ICE2: variants seen among roughly 807,000 people sequenced by gnomAD.
ICE2 encodes the protein interactor of little elongation complex ELL subunit 2.
A neutral mutation model predicts 105.4 loss-of-function variants in ICE2; 87 were observed. That is an observed-to-expected ratio of 0.83 (90% CI 0.69 to 0.99). The LOEUF (loss-of-function observed/expected upper bound fraction) is 0.99, where lower values mean the gene tolerates loss of function less well. Among genes scored for constraint, ICE2 ranks in the 50% least tolerant of loss-of-function variants. The pLI is 0.00. For synonymous variants in ICE2, 399 were observed against 392.0 expected (o/e 1.02, Z -0.21); for missense variants, 1,323 against 1,146.7 (o/e 1.15, Z -2.22).
At chr15:60,463,002 G>A (rs915865199) in intron 5 of ICE2, among the ~76,000 whole-genome samples, 4 of 152,174 alleles carry the variant, frequency 2.6e-5, no homozygotes, top group African/African-American at 7.2e-5. Context: ...TTGTCACAAC[G>A]TACAGCATTC....
At chr15:60,441,730 A>C (rs1387875285) in intron 12 of ICE2, 1 of 152,232 alleles carries the variant, frequency 6.6e-6, no homozygotes, top group Non-Finnish European at 1.5e-5. Context: ...TACTACCAAT[A>C]ATGACTAGCA....
chr15:60,470,945 AACT>A (rs1213687292), intron 3 of ICE2, among the ~76,000 whole-genome samples: 1 of 152,184 alleles, frequency 6.6e-6, no homozygotes, highest in Non-Finnish European at 1.5e-5. Flanking sequence ...TACGGCTGAG[AACT>A]ACTAATTTAG....
intron 5 of ICE2, among the ~76,000 whole-genome samples, chr15:60,462,154 G>GTT (rs2064297284): frequency 1.3e-5 from 2 of 152,148 alleles, no homozygotes; most frequent in Admixed American, 6.5e-5. Context: ...AAACCAAATA[G>GTT]TAAGTAAGGG....
intron 13 of ICE2, among the ~76,000 whole-genome samples, chr15:60,432,346 C>G (rs1482485778): frequency 1.3e-5 from 2 of 151,704 alleles, no homozygotes; most frequent in Non-Finnish European, 1.5e-5. Flanking sequence ...CGCCACCACA[C>G]CAGGCTGATT....
intron 2 of ICE2, among the ~76,000 whole-genome samples, chr15:60,476,946 T>C (rs1401204858): frequency 6.6e-6 from 1 of 152,226 alleles, no homozygotes; most frequent in Admixed American, 6.5e-5. Flanking sequence ...GCATCTGTGC[T>C]ACATCTGAAT....
At chr15:60,432,674 C>T (rs1028834187) in intron 13 of ICE2, among the ~76,000 whole-genome samples, 4 of 151,850 alleles carry the variant, frequency 2.6e-5, no homozygotes, top group African/African-American at 9.7e-5. Flanking sequence ...GGGCAGATCA[C>T]AAGGTCAGGA....
intron 13 of ICE2, among the ~76,000 whole-genome samples, chr15:60,433,181 G>A (rs1024436106): frequency 6.6e-6 from 1 of 151,156 alleles, no homozygotes; most frequent in African/African-American, 2.4e-5. Context: ...TCTGCCTCCC[G>A]GGTTCACGCC....
intron 3 of ICE2, among the ~76,000 whole-genome samples, chr15:60,471,837 ATACTT>A (rs2064605378): frequency 6.6e-6 from 1 of 151,588 alleles, no homozygotes; most frequent in South Asian, 2.1e-4. Context: ...TAAGTTTCCT[ATACTT>A]TAAGTACTGG....
At chr15:60,474,530 G>A (rs951624090) in intron 3 of ICE2, among the ~76,000 whole-genome samples, 10 of 152,140 alleles carry the variant, frequency 6.6e-5, no homozygotes, top group African/African-American at 1.9e-4. Context: ...CCCAGCAAGT[G>A]TAGTAGGATG....
intron 2 of ICE2, among the ~76,000 whole-genome samples, 168 bp from the exon 3 acceptor site, chr15:60,476,335 G>A (rs568647448): frequency 6.6e-6 from 1 of 152,230 alleles, no homozygotes; most frequent in South Asian, 2.1e-4. Flanking sequence ...TGTGGGCTTA[G>A]AAGTGTTACT....
chr15:60,438,451 T>G (rs1248831780), intron 12 of ICE2: 1 of 152,178 alleles, frequency 6.6e-6, no homozygotes, highest in African/African-American at 2.4e-5. Flanking sequence ...CCAAATTCAT[T>G]TGTACCCATA....
At chr15:60,478,122 T>C in intron 1 of ICE2, 53 bp from the exon 2 acceptor site, 1 of 703,444 alleles carries the variant, frequency 1.4e-6, no homozygotes. Flanking sequence ...CTAGGCCAGG[T>C]GCTATTAGGT....
chr15:60,453,297 T>C (rs2064009761), intron 9 of ICE2: 1 of 1,091,100 alleles, frequency 9.2e-7, no homozygotes, highest in Non-Finnish European at 1.1e-6. Flanking sequence ...ACCACCACCA[T>C]CAAGGAGTTT....
intron 13 of ICE2, among the ~76,000 whole-genome samples, chr15:60,433,091 T>G (rs557993711): frequency 6.6e-6 from 1 of 151,068 alleles, no homozygotes; most frequent in East Asian, 2.0e-4. Flanking sequence ...ACACAGGTTT[T>G]TTTTTTTTTT....
At position 60,419,788 on chromosome 15, in the gene ICE2, A is replaced by C. The variant is rs2063224301; in HGVS notation, c.*3846T>G. ...GAAAACGTCTTAACATCTTTACAAC[A>C]TGCCCATTAGGAACTACAGATGCAG... On this transcript the variant is annotated 3_prime_UTR_variant, in exon 16 of 16. Coordinates refer to ENST00000261520, the MANE Select transcript of ICE2 (RefSeq NM_024611.6). 1 of 152,252 alleles carries C rather than the reference A, an allele frequency of 6.6e-6. No individual in the cohort carries two copies. The highest frequency in any genetic ancestry group is 2.4e-5 in the African/African-American group (1 of 41,472). 9.4% of individuals were successfully genotyped at this position (152,252 alleles called of 1,614,324 possible).
intron 5 of ICE2, among the ~76,000 whole-genome samples, chr15:60,462,658 T>C (rs1444546750): frequency 1.3e-5 from 2 of 152,040 alleles, no homozygotes; most frequent in East Asian, 3.9e-4. Flanking sequence ...TTAGAAAAAA[T>C]GAACAGTCAT....
At chr15:60,455,873 C>T (rs2064096009) in intron 6 of ICE2, among the ~76,000 whole-genome samples, 1 of 152,102 alleles carries the variant, frequency 6.6e-6, no homozygotes, top group African/African-American at 2.4e-5. Flanking sequence ...CTGCCTCGGC[C>T]TCCCAAAGTG....
At chr15:60,478,649 A>C (rs1334944273) in intron 1 of ICE2, 1 of 332,886 alleles carries the variant, frequency 3.0e-6, no homozygotes, top group Non-Finnish European at 5.9e-6. Context: ...TGATAAAGTG[A>C]CCTGCGAGAA....
At position 60,423,637 on chromosome 15, in the gene ICE2, A is replaced by G. The variant is rs1224495878; in HGVS notation, c.2946T>C (p.Thr982=). 3.8e-5 allele frequency: 61 copies of G among 1,606,414 alleles called. No homozygotes were observed. Among genetic ancestry groups the G allele is most frequent in the Non-Finnish European group, 4.7e-5 (55 of 1,177,658 alleles). Residue 982 remains threonine (T), a synonymous_variant, in exon 16 of 16, where the codon ACT becomes ACC. Coordinates refer to ENST00000261520, the MANE Select transcript of ICE2 (RefSeq NM_024611.6). ...EGVAPHKRKI[T] ...TTAGTTTTCCATGGTACAGTCCTCA[A>G]GTTATTTTTCTTTTATGTGGAGCCA...
Sources: gnomAD v4.1 joint callset for allele counts (sites outside exome capture counted in the v4.1 genomes callset) on GRCh38, gnomAD v4.1.1 for gene constraint, MANE v1.5 for transcripts, NCBI Gene and HGNC (gene_info 2026-07-23, HGNC 2026-07-21) for gene names.